FBXO10: variants seen among roughly 807,000 people sequenced by gnomAD.
FBXO10 encodes the protein F-box protein 10.
Under a neutral mutation model 80.7 loss-of-function variants are expected in FBXO10, and 39 were observed. That is an observed-to-expected ratio of 0.48 (90% CI 0.37 to 0.63). The LOEUF is 0.63. Ranked by LOEUF, FBXO10 falls within the 30% of genes least tolerant of loss-of-function variation. FBXO10 has a pLI of 0.00. For missense variants in FBXO10, 1,025 were observed against 1,269.0 expected (o/e 0.81, Z 2.92); for synonymous variants, 449 against 489.6 (o/e 0.92, Z 1.09).
chr9:37,522,935 C>A lies in FBXO10; in HGVS notation c.1820G>T (p.Arg607Leu). The A allele has an allele frequency of 6.3e-7, 1 of 1,590,810 alleles. No homozygotes were observed. The highest frequency in any genetic ancestry group is 8.6e-7 in the Non-Finnish European group (1 of 1,168,920). ...RENQWGGVDI[R>L]RGGIPVLRSN... ...CCTGAGAACGGGGATCCCTCCACGG[C>A]GGATGTCCACACCTCCCCACTGATT... The change falls in exon 7 of 11, where the codon CGC becomes CTC. Residue 607 changes from arginine (R) to leucine (L), a missense_variant. By Grantham distance (102) the Arg-to-Leu change is moderately radical. This residue lies in a region of FBXO10 where 478 missense variants were observed against 667.8 expected (regional missense o/e 0.72). Transcript: ENST00000432825.
Position 37,570,957 on chromosome 9 carries a change from G to A in FBXO10, c.-7+5254C>T, listed in dbSNP as rs557846794. Among the ~76,000 whole-genome samples, 84 of 149,522 alleles carry A rather than the reference G, an allele frequency of 5.6e-4. 1 individual carries two copies. Among genetic ancestry groups the A allele is most frequent in the African/African-American group, 2.0e-3 (80 of 40,518 alleles). ...TGCAGTGAGCTGAGATTGCGCCACTGCAGTCCAGCCTGGCGACAGGGCAAG... is the reference window on the plus strand; with the variant it reads ...TGCAGTGAGCTGAGATTGCGCCACTACAGTCCAGCCTGGCGACAGGGCAAG... On this transcript the variant is annotated intron_variant, in intron 1 of 10. Transcript: ENST00000432825.
chr9:37,550,997 A>C (rs1240640516), intron 1 of FBXO10, among the ~76,000 whole-genome samples: 2 of 152,230 alleles, frequency 1.3e-5, no homozygotes, highest in Admixed American at 6.5e-5. Flanking sequence ...ATTCCCCTCC[A>C]GCTGTGAGCC....
chr9:37,516,826 C>T lies in FBXO10; in HGVS notation c.2515-741G>A, dbSNP rs148518050. Reference sequence around the variant, plus strand: ...AAAATACAAAATTAGCTGGGCATGGCGGCACATGCCTGTAATCCCAGCTAC... The same window carrying T: ...AAAATACAAAATTAGCTGGGCATGGTGGCACATGCCTGTAATCCCAGCTAC... On this transcript the variant is annotated intron_variant, in intron 9 of 10. Transcript: ENST00000432825. 8.3e-3 allele frequency among the ~76,000 whole-genome samples: 1,265 copies of T among 151,860 alleles called. 18 individuals are homozygous for T. The highest frequency in any genetic ancestry group is 0.029 in the African/African-American group (1,193 of 41,420).
At chr9:37,574,596 A>T (rs1239139176) in intron 1 of FBXO10, among the ~76,000 whole-genome samples, 1 of 152,126 alleles carries the variant, frequency 6.6e-6, no homozygotes, top group Non-Finnish European at 1.5e-5. Context: ...AGTCTCTCAA[A>T]TCTCACCAGG....
chr9:37,522,420 A>G (rs1821366932), intron 7 of FBXO10: 1 of 1,028,378 alleles, frequency 9.7e-7, no homozygotes, highest in Non-Finnish European at 1.2e-6. Context: ...CTCTGCCCAA[A>G]GTCACTGCGT....
intron 4 of FBXO10, among the ~76,000 whole-genome samples, chr9:37,530,910 A>C (rs1480351829): frequency 6.6e-6 from 1 of 152,154 alleles, no homozygotes; most frequent in East Asian, 1.9e-4. Flanking sequence ...CAAAGTGCTG[A>C]GATTACAGGC....
intron 1 of FBXO10, among the ~76,000 whole-genome samples, chr9:37,573,689 G>A (rs1379143622): frequency 3.3e-5 from 5 of 152,192 alleles, no homozygotes; most frequent in Admixed American, 2.6e-4. Context: ...CATTAGAGAG[G>A]ACTTGGGAGT....
chr9:37,516,069 A>G lies in FBXO10; in HGVS notation c.2531T>C (p.Ile844Thr), dbSNP rs1305960172. Reference sequence around the variant, plus strand: ...GATGCCGTAGGCCCGGAACGAGTGGATCCGGTTCTTTATTACCTGGGAGAG... The same window carrying G: ...GATGCCGTAGGCCCGGAACGAGTGGGTCCGGTTCTTTATTACCTGGGAGAG... ...RSDTKVIKNR[I>T]HSFRAYGIAV... Residue 844 changes from isoleucine (I) to threonine (T), a missense_variant, in exon 10 of 11, where the codon ATC becomes ACC. Ile to Thr is a moderately conservative substitution (Grantham distance 89). Around this residue, in one of 3 missense-constraint regions of FBXO10, gnomAD observed 478 missense variants for 667.8 expected, o/e 0.72. Coordinates refer to ENST00000432825, the MANE Select transcript of FBXO10 (RefSeq NM_012166.3). 1 of 1,612,094 alleles carries G rather than the reference A, an allele frequency of 6.2e-7. No individual in the cohort carries two copies. Among genetic ancestry groups the G allele is most frequent in the East Asian group, 2.2e-5 (1 of 44,860 alleles).
intron 8 of FBXO10, 118 bp from the exon 9 acceptor site, chr9:37,518,556 T>A: frequency 1.2e-6 from 1 of 835,810 alleles, no homozygotes; most frequent in Non-Finnish European, 1.8e-6. Flanking sequence ...GAAGAAGAGG[T>A]ACCAACACTC....
chr9:37,548,949 C>T (rs539828880), intron 1 of FBXO10, among the ~76,000 whole-genome samples: 137 of 152,198 alleles, frequency 9.0e-4, no homozygotes, highest in African/African-American at 2.9e-3. Flanking sequence ...GGGGTTTCAC[C>T]GTATTAGCTA....
Position 37,522,817 on chromosome 9 carries a change from C to T in FBXO10, c.1930+8G>A, listed in dbSNP as rs539580900. The T allele has an allele frequency of 1.3e-6, 2 of 1,551,664 alleles. No individual in the cohort carries two copies. The highest frequency in any genetic ancestry group is 1.7e-6 in the Non-Finnish European group (2 of 1,146,968). On this transcript the variant is annotated splice_region_variant and intron_variant, in intron 7 of 10. Transcript: ENST00000432825. Reference sequence around the variant, plus strand: ...CCTCCCCGGCTGGGTTGGGAACAAGCTCCTCACCGTAGATGGTATTTCCTT... The same window carrying T: ...CCTCCCCGGCTGGGTTGGGAACAAGTTCCTCACCGTAGATGGTATTTCCTT...
chr9:37,559,517 G>C (rs1214444684), intron 1 of FBXO10, among the ~76,000 whole-genome samples: 1 of 152,218 alleles, frequency 6.6e-6, no homozygotes, highest in Non-Finnish European at 1.5e-5. Flanking sequence ...AAGGCTTGCT[G>C]TGATGATTAA....
At chr9:37,543,458 G>T (rs1427853640) in intron 1 of FBXO10, among the ~76,000 whole-genome samples, 4 of 152,096 alleles carry the variant, frequency 2.6e-5, no homozygotes, top group Non-Finnish European at 4.4e-5. Context: ...ATAAACTCAG[G>T]AATAGCCTCT....
In FBXO10 at chr9:37,541,247, G is replaced by A. The variant is rs1251447361; in HGVS notation, c.522C>T (p.Cys174=). ...CGAGGTTGCACAGGCGTGTGGTTGAGCAGTGCTGATCAATGCTGGCCAGCA... is the reference window on the plus strand; with the variant it reads ...CGAGGTTGCACAGGCGTGTGGTTGAACAGTGCTGATCAATGCTGGCCAGCA... ...VALLASIDQH[C]STTRLCNLVF... is the part of the protein sequence containing the mutation. Residue 174 remains cysteine, a synonymous_variant, in exon 2 of 11, where the codon TGC becomes TGT. Transcript: ENST00000432825. The A allele has an allele frequency of 2.5e-6, 4 of 1,613,826 alleles. No individual in the cohort carries two copies. The South Asian group carries it at 4.4e-5, about 18-fold the overall frequency.
At chr9:37,531,748 A>C (rs1821627849) in intron 4 of FBXO10, among the ~76,000 whole-genome samples, 161 bp downstream of exon 4, 1 of 152,180 alleles carries the variant, frequency 6.6e-6, no homozygotes, top group East Asian at 1.9e-4. Flanking sequence ...GCTAATACAC[A>C]GACAGAGACA....
chr9:37,555,699 TG>T (rs563061960), intron 1 of FBXO10, among the ~76,000 whole-genome samples: 29 of 139,952 alleles, frequency 2.1e-4, no homozygotes, highest in Non-Finnish European at 3.6e-4. Flanking sequence ...TGTTTTTAAT[TG>T]TTTTTTTTAA....
intron 1 of FBXO10, among the ~76,000 whole-genome samples, chr9:37,554,777 T>A (rs930716844): frequency 5.3e-5 from 8 of 152,232 alleles, no homozygotes; most frequent in Admixed American, 4.6e-4. Flanking sequence ...ACTTTTTAAC[T>A]GCTCAGTAGT....
chr9:37,565,637 C>T (rs2119187782), intron 1 of FBXO10, among the ~76,000 whole-genome samples: 1 of 152,326 alleles, frequency 6.6e-6, no homozygotes, highest in African/African-American at 2.4e-5. Context: ...ATTTGAGAAG[C>T]AATGACTGAA....
chr9:37,575,932 C>T (rs1822884152), intron 1 of FBXO10, among the ~76,000 whole-genome samples: 1 of 152,218 alleles, frequency 6.6e-6, no homozygotes, highest in Non-Finnish European at 1.5e-5. Flanking sequence ...CGCGGAGATA[C>T]ATGCTCCGCG....
Sources: allele counts gnomAD v4.1 joint callset (sites outside exome capture counted in the v4.1 genomes callset), GRCh38; gene constraint gnomAD v4.1.1; regional missense constraint gnomAD v4.1.1; transcripts MANE v1.5; gene names NCBI Gene and HGNC (gene_info 2026-07-23, HGNC 2026-07-21).